The following SNX29 variants were observed in gnomAD, a reference collection of about 807,000 sequenced individuals.
The protein encoded by SNX29 is sorting nexin 29.
In SNX29, 78 loss-of-function variants were observed where a neutral mutation model predicts 102.1. The ratio of observed to expected loss-of-function variants is 0.76; its 90% confidence interval spans 0.64 to 0.92. The LOEUF is 0.92. Ranked by LOEUF, SNX29 falls within the 40% of genes least tolerant of loss-of-function variation. SNX29 has a pLI of 0.00. For missense variants in SNX29, 1,280 were observed against 1,061.7 expected (o/e 1.21, Z -2.86); for synonymous variants, 580 against 414.5 (o/e 1.40, Z -4.85).
At chr16:12,016,431 T>A (rs533288607) in intron 3 of SNX29, among the ~76,000 whole-genome samples, 1 of 152,348 alleles carries the variant, frequency 6.6e-6, no homozygotes, top group African/African-American at 2.4e-5. Flanking sequence ...TTTTTCTTTC[T>A]TGCCAACAAT....
chr16:12,430,480 T>A (rs1475393454), intron 18 of SNX29, among the ~76,000 whole-genome samples: 1 of 152,248 alleles, frequency 6.6e-6, no homozygotes, highest in Non-Finnish European at 1.5e-5. Context: ...TTCCTGAGTT[T>A]GCATCCCAGC....
At chr16:12,402,178 G>C (rs1331713767) in intron 17 of SNX29, among the ~76,000 whole-genome samples, 1 of 152,180 alleles carries the variant, frequency 6.6e-6, no homozygotes, top group African/African-American at 2.4e-5. Flanking sequence ...GTGATCAATG[G>C]GGTTTAATTT....
intron 2 of SNX29, among the ~76,000 whole-genome samples, chr16:12,002,035 A>C (rs935393057): frequency 6.6e-6 from 1 of 151,144 alleles, no homozygotes; most frequent in African/African-American, 2.4e-5. Context: ...TTTTTAAAGA[A>C]AATTAGAATA....
At chr16:12,387,206 C>T (rs898558248) in intron 16 of SNX29, among the ~76,000 whole-genome samples, 18 of 152,128 alleles carry the variant, frequency 1.2e-4, no homozygotes, top group Admixed American at 6.5e-4. Flanking sequence ...CGGTTCCATT[C>T]CTGCTGCTTC....
intron 15 of SNX29, among the ~76,000 whole-genome samples, chr16:12,311,461 TC>T (rs2080543641): frequency 6.6e-6 from 1 of 152,324 alleles, no homozygotes; most frequent in African/African-American, 2.4e-5. Flanking sequence ...GCTCCTGGCT[TC>T]CTCTGCTGGC....
chr16:12,265,273 G>T (rs966079135), intron 14 of SNX29, among the ~76,000 whole-genome samples: 3 of 152,180 alleles, frequency 2.0e-5, no homozygotes, highest in African/African-American at 7.2e-5. Context: ...CACTTGGGGG[G>T]GAGAAACATG....
rs112947496 is a variant in SNX29 at position 12,032,705 on chromosome 16, T to C, written c.247+5261T>C. On this transcript the variant is annotated intron_variant, in intron 4 of 20. Coordinates refer to ENST00000566228, the MANE Select transcript of SNX29 (RefSeq NM_032167.5). The stretch of plus-strand genomic sequence containing the variant: ...ATACACCCAGAAGGACAATGTTGGA[T>C]CATATGATAATTCTATGTTTAATTA... 5.7e-3 allele frequency among the ~76,000 whole-genome samples: 863 copies of C among 152,202 alleles called. 14 individuals carry two copies. Among genetic ancestry groups the C allele is most frequent in the African/African-American group, 0.019 (797 of 41,522 alleles).
intron 18 of SNX29, among the ~76,000 whole-genome samples, chr16:12,448,895 T>G (rs1415537197): frequency 6.6e-6 from 1 of 152,154 alleles, no homozygotes; most frequent in Non-Finnish European, 1.5e-5. Context: ...TTTGCTTTGG[T>G]TTTCGCATTC....
chr16:12,079,029 C>T (rs745488299), intron 11 of SNX29, 114 bp downstream of exon 11: 84 of 886,196 alleles, frequency 9.5e-5, no homozygotes, highest in Non-Finnish European at 1.2e-4. Context: ...CAGGTGTGTA[C>T]GTCCCTGGTT....
chr16:12,289,514 G>A (rs141138524), intron 15 of SNX29, among the ~76,000 whole-genome samples: 19 of 152,164 alleles, frequency 1.2e-4, no homozygotes, highest in African/African-American at 4.6e-4. Flanking sequence ...CTCCGGTGGT[G>A]GCGCTGGGCC....
intron 14 of SNX29, among the ~76,000 whole-genome samples, chr16:12,204,447 C>T (rs1405248212): frequency 6.6e-6 from 1 of 152,194 alleles, no homozygotes; most frequent in Non-Finnish European, 1.5e-5. Flanking sequence ...CTCCTACCTC[C>T]CCTCTTACTG....
At chr16:12,061,778 C>T (rs938478628) in intron 9 of SNX29, 132 bp downstream of exon 9, 1 of 711,228 alleles carries the variant, frequency 1.4e-6, no homozygotes. Flanking sequence ...GGTTCAGGGC[C>T]AGGGGGAGCT....
chr16:12,009,072 G>A (rs1720606871), intron 3 of SNX29, among the ~76,000 whole-genome samples: 1 of 152,066 alleles, frequency 6.6e-6, no homozygotes, highest in Non-Finnish European at 1.5e-5. Context: ...CTGTTTTTAT[G>A]TCATATGATG....
At chr16:12,563,537 C>A (rs976682132) in intron 20 of SNX29, among the ~76,000 whole-genome samples, 1 of 152,182 alleles carries the variant, frequency 6.6e-6, no homozygotes, top group Non-Finnish European at 1.5e-5. Flanking sequence ...TGAGTTGTCT[C>A]CCACCACTAC....
intron 20 of SNX29, among the ~76,000 whole-genome samples, chr16:12,530,921 T>G (rs563324345): frequency 2.9e-4 from 44 of 152,336 alleles, no homozygotes; most frequent in Admixed American, 2.2e-3. Context: ...CCGTAATGGC[T>G]GTTTCATAAT....
intron 14 of SNX29, among the ~76,000 whole-genome samples, chr16:12,267,749 T>A (rs1051452944): frequency 1.3e-5 from 2 of 152,196 alleles, no homozygotes; most frequent in African/African-American, 4.8e-5. Flanking sequence ...AGATCTGAGC[T>A]GTTTACTCCC....
intron 13 of SNX29, among the ~76,000 whole-genome samples, chr16:12,141,101 A>G (rs34598762): frequency 0.14 from 21,699 of 152,224 alleles, 1,759 homozygotes; most frequent in East Asian, 0.25. Flanking sequence ...AGAAGTTAAG[A>G]AGATCAGAAG....
chr16:12,463,575 C>G (rs2086908700), intron 18 of SNX29, among the ~76,000 whole-genome samples: 1 of 152,144 alleles, frequency 6.6e-6, no homozygotes, highest in Non-Finnish European at 1.5e-5. Context: ...TCAATTATCT[C>G]CCACCGGGCC....
rs575927521 is a variant in SNX29, at chr16:12,078,898, C to G, written c.1385C>G (p.Pro462Arg). ...LSSLLPSASV[P>R]ESMTISELRQ... is the part of the protein sequence containing the mutation. ...AGCCTGTTACCTTCTGCCTCAGTGCCAGAGTCCATGACAATTAGTAAGTAC... is the reference window on the plus strand; with the variant it reads ...AGCCTGTTACCTTCTGCCTCAGTGCGAGAGTCCATGACAATTAGTAAGTAC... Residue 462 changes from proline (P) to arginine (R), a missense_variant, in exon 11 of 21, where the codon CCA becomes CGA. Transcript: ENST00000566228. The G allele has an allele frequency of 2.0e-5, 32 of 1,604,496 alleles. No homozygotes were observed. In the South Asian group the frequency reaches 3.5e-4, roughly 18 times the overall value.
Sources: allele counts gnomAD v4.1 joint callset (sites outside exome capture counted in the v4.1 genomes callset), GRCh38; gene constraint gnomAD v4.1.1; transcripts MANE v1.5; gene names NCBI Gene and HGNC (gene_info 2026-07-23, HGNC 2026-07-21).